Variants in PRKACB observed in about 807,000 individuals in gnomAD.
PRKACB encodes the protein cAMP-dependent protein kinase catalytic subunit beta.
In PRKACB, 16 loss-of-function variants were observed where a neutral mutation model predicts 51.4. That is an observed-to-expected ratio of 0.31 (90% CI 0.21 to 0.47). PRKACB has a LOEUF of 0.47. PRKACB is among the 20% of genes least tolerant of loss of function. The probability of loss-of-function intolerance (pLI) is 1.00; values close to 1 mark genes in which losing one functional copy is unlikely to be tolerated. For synonymous variants in PRKACB, 147 were observed against 154.4 expected (o/e 0.95, Z 0.35); for missense variants, 309 against 464.5 (o/e 0.67, Z 3.08).
intron 1 of PRKACB, among the ~76,000 whole-genome samples, chr1:84,113,667 T>C (rs1382471663): frequency 2.0e-5 from 3 of 151,990 alleles, no homozygotes; most frequent in Non-Finnish European, 4.4e-5. Flanking sequence ...TATTCAACAA[T>C]AAAAAAGAAC....
chr1:84,191,000 G>A (rs757713965), intron 5 of PRKACB, among the ~76,000 whole-genome samples: 5 of 152,014 alleles, frequency 3.3e-5, no homozygotes, highest in African/African-American at 4.8e-5. Context: ...TTTTAAGTGG[G>A]TCATTTAGAC....
chr1:84,164,736 T>C, intron 1 of PRKACB: 1 of 1,371,758 alleles, frequency 7.3e-7, no homozygotes, highest in Non-Finnish European at 9.4e-7. Context: ...GAGGCTGGGA[T>C]AACTAGCTTG....
At chr1:84,230,774 A>G (rs1319639143) in intron 9 of PRKACB, among the ~76,000 whole-genome samples, 1 of 149,232 alleles carries the variant, frequency 6.7e-6, no homozygotes, top group Non-Finnish European at 1.5e-5. Flanking sequence ...ATTTTTGTAC[A>G]TTGATTTTGT....
intron 8 of PRKACB, among the ~76,000 whole-genome samples, chr1:84,207,124 C>G (rs1169170152): frequency 6.6e-6 from 1 of 152,166 alleles, no homozygotes; most frequent in Non-Finnish European, 1.5e-5. Flanking sequence ...GTTTTAAACA[C>G]TTCACTGTGG....
intron 9 of PRKACB, among the ~76,000 whole-genome samples, chr1:84,222,890 A>T (rs571819383): frequency 9.9e-5 from 15 of 152,222 alleles, no homozygotes; most frequent in Admixed American, 5.2e-4. Flanking sequence ...CGTTAGTCTG[A>T]TGGAGGTTCC....
chr1:84,201,150 T>C (rs1669994178), intron 7 of PRKACB, among the ~76,000 whole-genome samples: 1 of 152,132 alleles, frequency 6.6e-6, no homozygotes, highest in Non-Finnish European at 1.5e-5. Context: ...TCCAAAGTTA[T>C]TATGCCATTT....
intron 1 of PRKACB, among the ~76,000 whole-genome samples, chr1:84,123,262 A>G (rs1012972635): frequency 1.3e-5 from 2 of 152,314 alleles, no homozygotes; most frequent in Non-Finnish European, 2.9e-5. Flanking sequence ...CTGCAATACT[A>G]AAGTTTCTTC....
At chr1:84,095,023 A>G (rs576754486) in intron 1 of PRKACB, among the ~76,000 whole-genome samples, 3 of 151,996 alleles carry the variant, frequency 2.0e-5, no homozygotes, top group Non-Finnish European at 4.4e-5. Flanking sequence ...ATTGTAGCCT[A>G]GGAGCAATAG....
At chr1:84,226,290 T>G (rs1287975644) in intron 9 of PRKACB, among the ~76,000 whole-genome samples, 1 of 148,426 alleles carries the variant, frequency 6.7e-6, no homozygotes, top group Admixed American at 6.8e-5. Flanking sequence ...TTTTTTGGTC[T>G]CTCTAAAGAT....
chr1:84,111,744 C>T lies in PRKACB; in HGVS notation c.46+33373C>T, dbSNP rs561369537. Among the ~76,000 whole-genome samples, 17 of 151,884 alleles carry T rather than the reference C, an allele frequency of 1.1e-4. No homozygotes were observed. In the East Asian group the frequency reaches 1.7e-3, roughly 16 times the overall value. ...AAAGTTAAAAAAAAAAGTATATGTC[C>T]ATGCCATAGAAGACAAAGAAACACC... On this transcript the variant is annotated intron_variant, in intron 1 of 8. Transcript: ENST00000370688.
intron 1 of PRKACB, among the ~76,000 whole-genome samples, chr1:84,115,268 G>A (rs542650675): frequency 6.6e-6 from 1 of 151,200 alleles, no homozygotes; most frequent in South Asian, 2.1e-4. Flanking sequence ...GTTTTGATTT[G>A]AATTTCTCTG....
chr1:84,135,090 A>G (rs373067971), intron 1 of PRKACB, among the ~76,000 whole-genome samples: 2 of 152,220 alleles, frequency 1.3e-5, no homozygotes, highest in Non-Finnish European at 2.9e-5. Context: ...GATATACCAT[A>G]TAATCACTAA....
intron 9 of PRKACB, 133 bp downstream of exon 9, chr1:84,214,450 G>A: frequency 1.2e-6 from 1 of 836,948 alleles, no homozygotes; most frequent in Non-Finnish European, 1.7e-6. Context: ...AGGATCTAAA[G>A]TACTTTACAG....
Position 84,237,720 on chromosome 1 carries a change from A to G in PRKACB, c.*2415A>G, listed in dbSNP as rs1255943142. ...TAAGAAGTAAGTAGCATAAATCAGT[A>G]TTTAACCTAAAATTACATATTTGAA... is the stretch of plus-strand genomic sequence containing the variant. On this transcript the variant is annotated 3_prime_UTR_variant, in exon 10 of 10. Coordinates refer to ENST00000370685, the MANE Select transcript of PRKACB (RefSeq NM_182948.4). 1.3e-5 allele frequency: 2 copies of G among 152,216 alleles called. No homozygotes were observed. The highest frequency in any genetic ancestry group is 4.8e-5 in the African/African-American group (2 of 41,476). 9.4% of individuals were successfully genotyped at this position (152,216 alleles called of 1,614,324 possible). A position where few individuals can be genotyped will look rare whatever the true frequency, so the allele number is the denominator to read the frequency against.
chr1:84,125,234 G>A (rs753144522), intron 1 of PRKACB, among the ~76,000 whole-genome samples: 1 of 152,034 alleles, frequency 6.6e-6, no homozygotes, highest in South Asian at 2.1e-4. Context: ...TCATCTAGGG[G>A]GCTCCCTTAG....
chr1:84,122,670 C>T (rs1651181024), intron 1 of PRKACB, among the ~76,000 whole-genome samples: 1 of 151,996 alleles, frequency 6.6e-6, no homozygotes, highest in East Asian at 1.9e-4. Context: ...AGTATTTTTC[C>T]ATTAAATTGT....
intron 1 of PRKACB, among the ~76,000 whole-genome samples, chr1:84,156,113 C>T (rs1198533283): frequency 6.6e-6 from 1 of 152,014 alleles, no homozygotes; most frequent in African/African-American, 2.4e-5. Context: ...CTCAGCCTCC[C>T]AAGTAGCTGG....
intron 1 of PRKACB, among the ~76,000 whole-genome samples, chr1:84,128,887 T>C (rs1310647063): frequency 6.6e-6 from 1 of 152,210 alleles, no homozygotes; most frequent in Non-Finnish European, 1.5e-5. Flanking sequence ...TTTAGCTACA[T>C]GTGGCTGTTG....
intron 1 of PRKACB, among the ~76,000 whole-genome samples, chr1:84,103,305 A>G (rs1423940259): frequency 1.3e-5 from 2 of 151,466 alleles, no homozygotes; most frequent in Admixed American, 6.6e-5. Context: ...GATCCGTTAC[A>G]GGGTTGAGGC....
Sources: allele counts gnomAD v4.1 joint callset (sites outside exome capture counted in the v4.1 genomes callset), GRCh38; gene constraint gnomAD v4.1.1; transcripts MANE v1.5; gene names NCBI Gene and HGNC (gene_info 2026-07-23, HGNC 2026-07-21).